The following E2F5 variants were observed in gnomAD, a reference collection of about 807,000 sequenced individuals.
E2F5 encodes E2F transcription factor 5.
A neutral mutation model predicts 39.1 loss-of-function variants in E2F5; 23 were observed. The observed-to-expected ratio is 0.59, with a 90% CI of 0.42 to 0.83. E2F5 has a LOEUF of 0.83. Among genes scored for constraint, E2F5 ranks in the 40% least tolerant of loss-of-function variants. E2F5 has a pLI of 0.00. For synonymous variants in E2F5, 145 were observed against 157.8 expected, an observed-to-expected ratio of 0.92 and a Z score of 0.61; for missense variants, 365 against 406.7, an observed-to-expected ratio of 0.90 and a Z score of 0.88.
chr8:85,180,156 G>A (rs1464593012), intron 1 of E2F5, among the ~76,000 whole-genome samples: 1 of 151,910 alleles, frequency 6.6e-6, no homozygotes, highest in Non-Finnish European at 1.5e-5. Flanking sequence ...AAGTAGCTGG[G>A]ATTACAGGTG....
intron 1 of E2F5, among the ~76,000 whole-genome samples, chr8:85,181,847 G>T (rs1373006292): frequency 6.6e-6 from 1 of 151,178 alleles, no homozygotes; most frequent in Non-Finnish European, 1.5e-5. Flanking sequence ...TGTAATCCCA[G>T]CTACTTGGCA....
rs150834237 is a variant in E2F5 at position 85,191,173 on chromosome 8, G to T, written c.235-10974G>T. Among the ~76,000 whole-genome samples, 252 of 152,182 alleles carry T rather than the reference G, an allele frequency of 1.7e-3. 2 individuals carry two copies. The highest frequency in any genetic ancestry group is 6.8e-3 in the Middle Eastern group (2 of 294). ...GTTTTTGACGCCATAGAAGAACTTG[G>T]AGGATATTTTGCTAAGCAAATAAGC... On this transcript the variant is annotated intron_variant, in intron 1 of 7. Transcript: ENST00000416274.
chr8:85,177,544 G>C lies in E2F5; in HGVS notation c.124G>C (p.Gly42Arg), dbSNP rs751926285. 3 of 1,221,110 alleles carry C rather than the reference G, an allele frequency of 2.5e-6. No homozygotes were observed. The highest frequency in any genetic ancestry group is 1.6e-5 in the African/African-American group (1 of 63,770). 75.6% of individuals were successfully genotyped at this position (1,221,110 alleles called of 1,614,324 possible). The change falls in exon 1 of 8, where the codon GGG (glycine) becomes CGG (arginine). Residue 42 changes from glycine (G) to arginine (R), a missense_variant. By Grantham distance (125) the Gly-to-Arg change is moderately radical (BLOSUM62 -2). Coordinates refer to ENST00000416274, the MANE Select transcript of E2F5 (RefSeq NM_001951.4). Reference protein sequence around the residue: ...APQPPPPPQLGGAGGGSSRHE... With the variant: ...APQPPPPPQLRGAGGGSSRHE... ...GCAGCCGCCCCCGCCGCCGCAGCTC[G>C]GGGGCGCCGGGGGCGGCAGCAGCAG...
At chr8:85,183,935 G>C (rs1812273843) in intron 1 of E2F5, among the ~76,000 whole-genome samples, 1 of 152,144 alleles carries the variant, frequency 6.6e-6, no homozygotes, top group African/African-American at 2.4e-5. Flanking sequence ...TTATGAGAAA[G>C]GGGAAATTTG....
intron 1 of E2F5, among the ~76,000 whole-genome samples, chr8:85,184,615 C>T (rs185439959): frequency 4.6e-5 from 7 of 152,288 alleles, no homozygotes; most frequent in Admixed American, 4.6e-4. Flanking sequence ...ATTTAGAAAA[C>T]CCCATCGTCT....
chr8:85,181,697 C>T (rs1193866851), intron 1 of E2F5, among the ~76,000 whole-genome samples: 1 of 149,360 alleles, frequency 6.7e-6, no homozygotes, highest in Non-Finnish European at 1.5e-5. Context: ...TGGTGGCTCA[C>T]GCCTGTAATC....
chr8:85,190,479 A>C (rs1439685598), intron 1 of E2F5, among the ~76,000 whole-genome samples: 1 of 149,736 alleles, frequency 6.7e-6, no homozygotes, highest in Non-Finnish European at 1.5e-5. Context: ...AGCTGATTTT[A>C]AGATGGGGAG....
chr8:85,200,321 G>T, intron 1 of E2F5: 1 of 943,610 alleles, frequency 1.1e-6, no homozygotes, highest in South Asian at 4.9e-5. Context: ...ATCTGTACAT[G>T]TTAGTCATTT....
intron 1 of E2F5, among the ~76,000 whole-genome samples, chr8:85,180,100 A>C (rs1812169308): frequency 1.3e-5 from 2 of 151,628 alleles, no homozygotes; most frequent in African/African-American, 4.8e-5. Context: ...TGCTCACTGC[A>C]ACCTCCACCT....
At chr8:85,203,360 T>C in intron 3 of E2F5, 105 bp downstream of exon 3, 1 of 909,452 alleles carries the variant, frequency 1.1e-6, no homozygotes, top group Non-Finnish European at 1.5e-6. Flanking sequence ...CAGTTAAGTT[T>C]TATAAGTAAA....
chr8:85,181,765 G>C (rs1157172634), intron 1 of E2F5, among the ~76,000 whole-genome samples: 1 of 151,370 alleles, frequency 6.6e-6, no homozygotes, highest in Non-Finnish European at 1.5e-5. Flanking sequence ...TTCGAGACCA[G>C]CCTGCCCAAC....
chr8:85,208,009 C>T (rs1812832949), intron 5 of E2F5, among the ~76,000 whole-genome samples: 1 of 152,034 alleles, frequency 6.6e-6, no homozygotes, highest in Admixed American at 6.6e-5. Context: ...AATCATATGG[C>T]CAATAATCTA....
At chr8:85,206,325 G>A (rs772637307) in intron 4 of E2F5, 105 bp downstream of exon 4, 10 of 1,150,140 alleles carry the variant, frequency 8.7e-6, no homozygotes, top group Non-Finnish European at 1.3e-5. Context: ...TTCAGAAGTT[G>A]TGGGCATTGT....
At chr8:85,211,143 T>C (rs1207943449) in intron 6 of E2F5, among the ~76,000 whole-genome samples, 1 of 150,834 alleles carries the variant, frequency 6.6e-6, no homozygotes, top group South Asian at 2.1e-4. Context: ...CCCAACACTT[T>C]GGGAGGCCGA....
chr8:85,180,942 A>G (rs573609033), intron 1 of E2F5, among the ~76,000 whole-genome samples: 50 of 151,274 alleles, frequency 3.3e-4, no homozygotes, highest in African/African-American at 1.1e-3. Context: ...CAGTGGTACA[A>G]TCTCAGCTCA....
In E2F5 at chr8:85,202,128, CGTT is replaced by C. The variant is rs1348411202; in HGVS notation, c.235-16_235-14del. On this transcript the variant is annotated splice_polypyrimidine_tract_variant and intron_variant, in intron 1 of 7. Transcript: ENST00000416274. ...GACTTGCCCTTTATTTCACTGTTCT[CGTT>C]GTCTTTCCTGAACAGGCTGCTGATA... 6.3e-7 allele frequency: 1 copy of C among 1,594,780 alleles called. No homozygotes were observed. The highest frequency in any genetic ancestry group is 1.7e-5 in the Admixed American group (1 of 59,206).
intron 1 of E2F5, among the ~76,000 whole-genome samples, chr8:85,198,265 A>G (rs1812622757): frequency 6.6e-6 from 1 of 151,374 alleles, no homozygotes; most frequent in African/African-American, 2.4e-5. Context: ...TCTCTTCTGC[A>G]TTGTTAATGA....
Position 85,203,375 on chromosome 8 carries a change from A to T in E2F5, c.506+120A>T, listed in dbSNP as rs916587989. 8 of 746,518 alleles carry T rather than the reference A, an allele frequency of 1.1e-5. No homozygotes were observed. In the African/African-American group the frequency reaches 1.3e-4, roughly 12 times the overall value. The allele number at this position is 746,518 out of a possible 1,614,324, so 46.2% of individuals were successfully genotyped here. On this transcript the variant is annotated intron_variant, in intron 3 of 7. Transcript: ENST00000416274. The stretch of plus-strand genomic sequence containing the variant: ...CAGTTAAGTTTTATAAGTAAATATG[A>T]CATTTTAATTTTATTATATTCTTAT...
intron 1 of E2F5, among the ~76,000 whole-genome samples, chr8:85,181,604 G>T (rs1296771361): frequency 4.1e-5 from 6 of 146,796 alleles, no homozygotes; most frequent in Admixed American, 6.8e-5. Context: ...CTCCCAAAGT[G>T]CTGGGATTAC....
Sources: gnomAD v4.1 joint callset for allele counts (sites outside exome capture counted in the v4.1 genomes callset) on GRCh38, gnomAD v4.1.1 for gene constraint, MANE v1.5 for transcripts, NCBI Gene and HGNC (gene_info 2026-07-23, HGNC 2026-07-21) for gene names.